Variants in TRIM75 observed in about 807,000 individuals in gnomAD.
The protein encoded by TRIM75 is tripartite motif-containing protein 75.
chr4:165,057,405 C>G, the TRIM75 span, among the ~76,000 whole-genome samples: 1 of 152,062 alleles, frequency 6.6e-6, no homozygotes, highest in African/African-American at 2.4e-5. Flanking sequence ...CAAAAGAGAA[C>G]CTGTCTCAAC....
chr4:165,054,651 C>G, the TRIM75 span, among the ~76,000 whole-genome samples: 3 of 152,040 alleles, frequency 2.0e-5, no homozygotes, highest in Non-Finnish European at 4.4e-5. Flanking sequence ...CCGCCTGCCT[C>G]GGCCTCCCAA....
the TRIM75 span, among the ~76,000 whole-genome samples, chr4:165,058,725 A>G: frequency 2.0e-5 from 3 of 152,146 alleles, 1 homozygote; most frequent in South Asian, 6.2e-4. Flanking sequence ...GGTGGAGGTT[A>G]GGACCACCTG....
chr4:165,055,976 T>C, the TRIM75 span, among the ~76,000 whole-genome samples: 1 of 144,086 alleles, frequency 6.9e-6, no homozygotes, highest in Non-Finnish European at 1.5e-5. Context: ...AATGAAGTGG[T>C]GCGATCTCAG....
the TRIM75 span, among the ~76,000 whole-genome samples, chr4:165,058,894 T>C: frequency 6.6e-6 from 1 of 152,196 alleles, no homozygotes; most frequent in Non-Finnish European, 1.5e-5. Flanking sequence ...AGCAGTTGTC[T>C]GGCTGAGCTG....
chr4:165,059,102 C>T, the TRIM75 span: 1 of 707,106 alleles, frequency 1.4e-6, no homozygotes. Flanking sequence ...AGAACTCAAC[C>T]TCTTGAAGAA....
the TRIM75 span, among the ~76,000 whole-genome samples, chr4:165,057,597 G>A: frequency 1.3e-5 from 2 of 151,638 alleles, no homozygotes; most frequent in Non-Finnish European, 1.5e-5. Context: ...GCAGTGGTGC[G>A]ATCTCAGCTC....
At chr4:165,056,394 C>T in the TRIM75 span, among the ~76,000 whole-genome samples, 1 of 151,814 alleles carries the variant, frequency 6.6e-6, no homozygotes, top group African/African-American at 2.4e-5. Context: ...AAAGAAAGGT[C>T]TGTCTTCAGG....
chr4:165,057,720 G>A, the TRIM75 span, among the ~76,000 whole-genome samples: 4 of 151,980 alleles, frequency 2.6e-5, no homozygotes, highest in Admixed American at 6.6e-5. Context: ...TTTTAGTAGC[G>A]ACAAGGTTTT....
the TRIM75 span, among the ~76,000 whole-genome samples, chr4:165,057,030 CT>C: frequency 6.6e-6 from 1 of 151,842 alleles, no homozygotes; most frequent in African/African-American, 2.4e-5. Flanking sequence ...AAGATGCCCG[CT>C]TTTTTTTATC....
the TRIM75 span, chr4:165,059,487 G>A: frequency 1.3e-6 from 1 of 780,818 alleles, no homozygotes; most frequent in African/African-American, 1.7e-5. Flanking sequence ...GGACCTGATG[G>A]TGTTGTGTCC....
the TRIM75 span, chr4:165,059,704 A>C: frequency 1.3e-6 from 1 of 780,824 alleles, no homozygotes; most frequent in Non-Finnish European, 2.4e-6. Context: ...TTATCCTCTG[A>C]ATTTGAGCAC....
At chr4:165,053,983 G>T in the TRIM75 span, among the ~76,000 whole-genome samples, 3 of 152,118 alleles carry the variant, frequency 2.0e-5, no homozygotes, top group Admixed American at 1.3e-4. Context: ...GGGTGCGGGA[G>T]GCTGGAGTGT....
the TRIM75 span, chr4:165,059,180 A>G: frequency 2.6e-6 from 2 of 779,580 alleles, no homozygotes; most frequent in African/African-American, 3.4e-5. Flanking sequence ...CCGGACTCCA[A>G]GCAGAAGCTA....
the TRIM75 span, among the ~76,000 whole-genome samples, chr4:165,054,467 C>T: frequency 6.6e-6 from 1 of 152,098 alleles, no homozygotes; most frequent in African/African-American, 2.4e-5. Flanking sequence ...CAGGGTTTCA[C>T]CATGTTGGCC....
the TRIM75 span, among the ~76,000 whole-genome samples, chr4:165,058,826 TTTTCC>T: frequency 6.6e-6 from 1 of 152,184 alleles, no homozygotes; most frequent in Non-Finnish European, 1.5e-5. Flanking sequence ...GCAACAGCTG[TTTTCC>T]TAACAGCTGC....
the TRIM75 span, among the ~76,000 whole-genome samples, chr4:165,054,292 CAG>C: frequency 4.9e-5 from 6 of 123,686 alleles, no homozygotes; most frequent in South Asian, 5.2e-4. Context: ...TTTTTTGAGA[CAG>C]AGTCTTGCTC....
the TRIM75 span, among the ~76,000 whole-genome samples, chr4:165,053,927 C>T: frequency 2.0e-5 from 3 of 151,658 alleles, no homozygotes; most frequent in South Asian, 2.1e-4. Context: ...AAAGGACCGC[C>T]GCAGAGCTCC....
the TRIM75 span, among the ~76,000 whole-genome samples, chr4:165,054,048 C>T: frequency 6.6e-6 from 1 of 152,022 alleles, no homozygotes; most frequent in African/African-American, 2.4e-5. Context: ...GAGCTTGCAC[C>T]TCACAAGGGA....
At chr4:165,054,314 G>A in the TRIM75 span, among the ~76,000 whole-genome samples, 1 of 145,982 alleles carries the variant, frequency 6.9e-6, no homozygotes, top group Non-Finnish European at 1.5e-5. Flanking sequence ...CTGTTGCCCA[G>A]GCTGGAGTGC....
Sources: gnomAD v4.1 joint callset for allele counts (sites outside exome capture counted in the v4.1 genomes callset) on GRCh38, gnomAD v4.1.1 for gene constraint, MANE v1.5 for transcripts, NCBI Gene and HGNC (gene_info 2026-07-23, HGNC 2026-07-21) for gene names.